ITGB1: variants seen among roughly 807,000 people sequenced by gnomAD.
ITGB1 encodes the protein integrin subunit beta 1.
Under a neutral mutation model 86.5 loss-of-function variants are expected in ITGB1, and 24 were observed. That is an observed-to-expected ratio of 0.28 (90% CI 0.20 to 0.39). The LOEUF (loss-of-function observed/expected upper bound fraction) is 0.39, where lower values mean the gene tolerates loss of function less well. Ranked by LOEUF, ITGB1 falls within the 10% of genes least tolerant of loss-of-function variation. ITGB1 has a pLI of 1.00. For synonymous variants in ITGB1, 323 were observed against 316.8 expected (o/e 1.02, Z -0.21); for missense variants, 556 against 946.9 (o/e 0.59, Z 5.42).
At chr10:32,903,117 C>T (rs1379577853) in intron 15 of ITGB1, among the ~76,000 whole-genome samples, 1 of 151,624 alleles carries the variant, frequency 6.6e-6, no homozygotes, top group African/African-American at 2.4e-5. Context: ...TTTGAGAGGC[C>T]GAGGTGGGTG....
At chr10:32,930,095 C>G in intron 3 of ITGB1, 51 bp from the exon 4 acceptor site, 1 of 787,868 alleles carries the variant, frequency 1.3e-6, no homozygotes. Flanking sequence ...ATGGTCAAAC[C>G]TTTTTACATA....
intron 1 of ITGB1, among the ~76,000 whole-genome samples, chr10:32,948,662 A>G (rs2095036803): frequency 1.3e-5 from 2 of 152,148 alleles, no homozygotes; most frequent in South Asian, 4.1e-4. Flanking sequence ...GTTCCAGATA[A>G]AAGACGGAGT....
At chr10:32,957,764 C>T (rs956765888) in intron 1 of ITGB1, 3 of 152,240 alleles carry the variant, frequency 2.0e-5, no homozygotes, top group Non-Finnish European at 4.4e-5. Flanking sequence ...CCCACCTGCG[C>T]TTGCCCAGCC....
rs967891584 is a variant in ITGB1 at position 32,922,633 on chromosome 10, C to A, written c.1038+7G>T. ...AGAATCTTGTTCTTTTTATCTCACACATTTACCTTGTAAACAGGCTGAAAT... is the reference window on the plus strand; with the variant it reads ...AGAATCTTGTTCTTTTTATCTCACAAATTTACCTTGTAAACAGGCTGAAAT... On this transcript the variant is annotated splice_region_variant and intron_variant, in intron 8 of 15. Coordinates refer to ENST00000302278, the MANE Select transcript of ITGB1 (RefSeq NM_002211.4). 2 of 1,491,038 alleles carry A rather than the reference C, an allele frequency of 1.3e-6. No individual in the cohort carries two copies. The highest frequency in any genetic ancestry group is 1.2e-5 in the South Asian group (1 of 86,288). 92.4% of individuals were successfully genotyped at this position (1,491,038 alleles called of 1,614,324 possible).
chr10:32,905,115 CTAAG>C lies in ITGB1; in HGVS notation c.2331+3249_2331+3252del, dbSNP rs770907588. 9.3e-5 allele frequency among the ~76,000 whole-genome samples: 14 copies of C among 151,044 alleles called. No homozygotes were observed. The East Asian group carries it at 1.2e-3, about 13-fold the overall frequency. On this transcript the variant is annotated intron_variant, in intron 15 of 15. Coordinates refer to ENST00000302278, the MANE Select transcript of ITGB1 (RefSeq NM_002211.4). ...TCTAAAAATGACTTTCTGTAAAGTA[CTAAG>C]TGAGAACGAGAAAAATATATTGTCT... is the stretch of plus-strand genomic sequence containing the variant.
chr10:32,922,623 T>G lies in ITGB1; in HGVS notation c.1038+17A>C. 7.0e-7 allele frequency: 1 copy of G among 1,426,900 alleles called. No individual in the cohort carries two copies. Among genetic ancestry groups the G allele is most frequent in the Non-Finnish European group, 9.8e-7 (1 of 1,020,438 alleles). The allele number at this position is 1,426,900 out of a possible 1,614,324, so 88.4% of individuals were successfully genotyped here. On this transcript the variant is annotated intron_variant, in intron 8 of 15. Coordinates refer to ENST00000302278, the MANE Select transcript of ITGB1 (RefSeq NM_002211.4). The stretch of plus-strand genomic sequence containing the variant: ...AAAAATGTTTAGAATCTTGTTCTTT[T>G]TATCTCACACATTTACCTTGTAAAC...
chr10:32,919,547 CCTAT>C (rs2094942190), intron 11 of ITGB1, among the ~76,000 whole-genome samples: 1 of 152,090 alleles, frequency 6.6e-6, no homozygotes, highest in Non-Finnish European at 1.5e-5. Context: ...AAAACATTTT[CCTAT>C]AAACGTTATT....
chr10:32,935,815 C>A (rs1032132885), intron 1 of ITGB1: 1 of 320,260 alleles, frequency 3.1e-6, no homozygotes, highest in Non-Finnish European at 5.8e-6. Flanking sequence ...CTAAAGCAAA[C>A]CGATTATATT....
intron 15 of ITGB1, among the ~76,000 whole-genome samples, chr10:32,902,348 A>T (rs1308595345): frequency 1.3e-5 from 2 of 152,258 alleles, no homozygotes; most frequent in Admixed American, 1.3e-4. Context: ...GAGATCTTTC[A>T]AGATCCAAAA....
intron 4 of ITGB1, 81 bp from the exon 5 acceptor site, chr10:32,928,345 T>C (rs2094972120): frequency 3.0e-6 from 2 of 674,248 alleles, no homozygotes; most frequent in South Asian, 3.9e-5. Context: ...AAATGTGGTT[T>C]ACACGGTAAA....
At chr10:32,912,733 G>A (rs933527414) in intron 11 of ITGB1, among the ~76,000 whole-genome samples, 2 of 152,172 alleles carry the variant, frequency 1.3e-5, no homozygotes, top group Non-Finnish European at 2.9e-5. Context: ...ACACCTCTGG[G>A]GGCAGGGCAT....
chr10:32,958,071 T>C (rs1271655759), intron 1 of ITGB1, 74 bp downstream of exon 1: 2 of 139,764 alleles, frequency 1.4e-5, no homozygotes, highest in Admixed American at 7.1e-5. Context: ...GGCCGGCGGC[T>C]TTAAGTGCTG....
chr10:32,912,069 T>C lies in ITGB1; in HGVS notation c.1525A>G (p.Ser509Gly). ...CTGCAGTAAGCATCCATGTCTTCAC[T>C]GTTAACTTCATCTGTGCTGCATTCA... The part of the protein sequence containing the change: ...HCECSTDEVN[S>G]EDMDAYCRKE... Residue 509 changes from serine to glycine, a missense_variant, in exon 12 of 16, where the codon AGT (serine) becomes GGT (glycine). Ser to Gly is a moderately conservative substitution (Grantham distance 56, BLOSUM62 0). Coordinates refer to ENST00000302278, the MANE Select transcript of ITGB1 (RefSeq NM_002211.4). 1.2e-6 allele frequency: 2 copies of C among 1,614,242 alleles called. No individual in the cohort carries two copies. Among genetic ancestry groups the C allele is most frequent in the Non-Finnish European group, 1.7e-6 (2 of 1,180,034 alleles).
intron 5 of ITGB1, among the ~76,000 whole-genome samples, chr10:32,927,238 GA>G (rs1466357060): frequency 2.6e-5 from 4 of 152,162 alleles, no homozygotes; most frequent in African/African-American, 9.7e-5. Context: ...GCTAATTTTT[GA>G]AAGGCAGCTC....
At chr10:32,924,912 G>T (rs529324156) in intron 6 of ITGB1, among the ~76,000 whole-genome samples, 87 of 152,200 alleles carry the variant, frequency 5.7e-4, no homozygotes, top group Non-Finnish European at 1.0e-3. Flanking sequence ...ATACTATCAT[G>T]ATCCCTTCTT....
intron 1 of ITGB1, among the ~76,000 whole-genome samples, chr10:32,940,724 C>T (rs1354397294): frequency 2.0e-5 from 3 of 152,318 alleles, no homozygotes; most frequent in East Asian, 1.9e-4. Context: ...TGCATTCATT[C>T]GTTCATCACT....
At chr10:32,934,515 A>C (rs1216754839) in intron 2 of ITGB1, among the ~76,000 whole-genome samples, 2 of 152,182 alleles carry the variant, frequency 1.3e-5, no homozygotes, top group African/African-American at 4.8e-5. Flanking sequence ...CACTACTAAT[A>C]TAAGCTCCCA....
chr10:32,929,949 G>A lies in ITGB1; in HGVS notation c.249C>T (p.Pro83=), dbSNP rs745401436. The A allele has an allele frequency of 6.7e-7, 1 of 1,500,232 alleles. No individual in the cohort carries two copies. Among genetic ancestry groups the A allele is most frequent in the Admixed American group, 1.7e-5 (1 of 59,872 alleles). 92.9% of individuals were successfully genotyped at this position (1,500,232 alleles called of 1,614,324 possible). A position where few individuals can be genotyped will look rare whatever the true frequency, so the allele number is the denominator to read the frequency against. The part of the protein sequence containing the change: ...KGCPPDDIEN[P]RGSKDIKKNK... ...TTTTCTTTATATCTTTGGAGCCTCT[G>A]GGATTTTCTATGTCATCTGGAGGGC... is the stretch of plus-strand genomic sequence containing the variant. The change falls in exon 4 of 16, where the codon CCC becomes CCT. Residue 83 remains proline (P), a synonymous_variant. Transcript: ENST00000302278.
rs199879048 is a variant in ITGB1, at chr10:32,920,327, C to T, written c.1187G>A (p.Ser396Asn). Residue 396 changes from serine (S) to asparagine (N), a missense_variant, in exon 10 of 16, where the codon AGT (serine) becomes AAT (asparagine). This residue lies in a region of ITGB1 where 330 missense variants were observed against 531.5 expected (regional missense o/e 0.62). Coordinates refer to ENST00000302278, the MANE Select transcript of ITGB1 (RefSeq NM_002211.4). ...CCCGTTCTTGCAGTAAGATTTGTAA[C>T]TTATTGTTACGCCTTCTGACAATTT... ...NGKLSEGVTI[S>N]YKSYCKNGVN... is the part of the protein sequence containing the mutation. The T allele has an allele frequency of 4.7e-5, 76 of 1,612,890 alleles. No homozygotes were observed. In the South Asian group the frequency reaches 7.8e-4, roughly 17 times the overall value.
Sources: gnomAD v4.1 joint callset for allele counts (sites outside exome capture counted in the v4.1 genomes callset) on GRCh38, gnomAD v4.1.1 for gene constraint, gnomAD v4.1.1 regional missense constraint, MANE v1.5 for transcripts, NCBI Gene and HGNC (gene_info 2026-07-23, HGNC 2026-07-21) for gene names.